BMPR1B: variants seen among roughly 807,000 people sequenced by gnomAD.
BMPR1B encodes the protein bone morphogenetic protein receptor type-1B.
BMPR1B carries 12 observed loss-of-function variants against 59.1 expected under a neutral mutation model. That is an observed-to-expected ratio of 0.20 (90% CI 0.13 to 0.33). The LOEUF is 0.33. Among genes scored for constraint, BMPR1B ranks in the 10% least tolerant of loss-of-function variants. BMPR1B has a pLI of 1.00. For missense variants in BMPR1B, 550 were observed against 610.9 expected, an observed-to-expected ratio of 0.90 and a Z score of 1.05; for synonymous variants, 237 against 207.3, an observed-to-expected ratio of 1.14 and a Z score of -1.23.
chr4:94,770,180 G>GGTTTTTTTTTTTTTTTTTTTTTTTTTTTT (rs771544268), intron 1 of BMPR1B, among the ~76,000 whole-genome samples: 4 of 106,276 alleles, frequency 3.8e-5, no homozygotes, highest in African/African-American at 1.2e-4. Context: ...CTTCGTTTCT[G>GGTTTTTTTTTTTTTTTTTTTTTTTTTTTT]TGTTTGTTTT....
intron 4 of BMPR1B, among the ~76,000 whole-genome samples, chr4:95,109,135 T>C (rs1453894842): frequency 6.6e-6 from 1 of 152,158 alleles, no homozygotes; most frequent in Non-Finnish European, 1.5e-5. Context: ...TCCTCACGCA[T>C]GTTATGCATT....
chr4:94,954,978 C>A (rs966927236), intron 2 of BMPR1B, among the ~76,000 whole-genome samples: 35 of 152,126 alleles, frequency 2.3e-4, no homozygotes, highest in Admixed American at 7.2e-4. Flanking sequence ...TCTTTCCTAA[C>A]CCCCTTATAC....
intron 3 of BMPR1B, among the ~76,000 whole-genome samples, chr4:95,104,025 G>C (rs1460399138): frequency 6.6e-6 from 1 of 152,028 alleles, no homozygotes; most frequent in Admixed American, 6.6e-5. Flanking sequence ...TTATCTGTGT[G>C]CAGATCTCTT....
At chr4:95,020,098 A>C (rs997559547) in intron 3 of BMPR1B, among the ~76,000 whole-genome samples, 1 of 152,206 alleles carries the variant, frequency 6.6e-6, no homozygotes, top group Non-Finnish European at 1.5e-5. Flanking sequence ...TTTGCAATTA[A>C]AATGAAAACC....
At chr4:94,776,746 A>G (rs1722384237) in intron 1 of BMPR1B, among the ~76,000 whole-genome samples, 3 of 152,302 alleles carry the variant, frequency 2.0e-5, no homozygotes, top group Non-Finnish European at 2.9e-5. Flanking sequence ...CTACATTGCT[A>G]TGTCTTGGTT....
intron 1 of BMPR1B, among the ~76,000 whole-genome samples, chr4:94,775,846 C>T (rs984247565): frequency 7.2e-5 from 11 of 152,174 alleles, no homozygotes; most frequent in Admixed American, 1.3e-4. Flanking sequence ...AATCCCAGCA[C>T]GCTGGGAGGC....
At chr4:94,775,139 G>A (rs1722321966) in intron 1 of BMPR1B, among the ~76,000 whole-genome samples, 1 of 152,106 alleles carries the variant, frequency 6.6e-6, no homozygotes, top group Non-Finnish European at 1.5e-5. Flanking sequence ...GTAGAATGAA[G>A]ATAATAAGAA....
chr4:95,031,926 C>G (rs1345744280), intron 3 of BMPR1B, among the ~76,000 whole-genome samples: 1 of 151,890 alleles, frequency 6.6e-6, no homozygotes, highest in Non-Finnish European at 1.5e-5. Flanking sequence ...ACTAATGTCT[C>G]AAAGAAAAAT....
At chr4:95,100,088 A>G (rs1579077679) in intron 3 of BMPR1B, among the ~76,000 whole-genome samples, 2 of 152,218 alleles carry the variant, frequency 1.3e-5, no homozygotes, top group African/African-American at 2.4e-5. Context: ...CTGAAGTCCT[A>G]TGCAATGTCT....
chr4:94,759,974 A>C (rs193063132), intron 1 of BMPR1B, among the ~76,000 whole-genome samples: 562 of 152,286 alleles, frequency 3.7e-3, no homozygotes, highest in African/African-American at 0.013. Context: ...GAGCTACAAA[A>C]CTTGATACAG....
chr4:94,840,517 C>T (rs1469403184), intron 1 of BMPR1B, among the ~76,000 whole-genome samples: 1 of 146,514 alleles, frequency 6.8e-6, no homozygotes, highest in East Asian at 1.9e-4. Context: ...TTCATTTCAC[C>T]TTCCATTGCT....
intron 3 of BMPR1B, among the ~76,000 whole-genome samples, chr4:95,074,341 A>C (rs560528095): frequency 6.6e-6 from 1 of 152,212 alleles, no homozygotes; most frequent in Admixed American, 6.5e-5. Context: ...AATACTTAGA[A>C]TAGTGCCTGG....
intron 1 of BMPR1B, among the ~76,000 whole-genome samples, chr4:94,765,769 A>G (rs929529612): frequency 4.6e-5 from 7 of 152,180 alleles, no homozygotes; most frequent in African/African-American, 1.7e-4. Context: ...AGTATGTTTT[A>G]CCTGATTGCA....
At chr4:94,983,922 A>G (rs1489677823) in intron 2 of BMPR1B, among the ~76,000 whole-genome samples, 2 of 152,264 alleles carry the variant, frequency 1.3e-5, no homozygotes, top group Non-Finnish European at 2.9e-5. Flanking sequence ...CATAACAGGT[A>G]CTAAGCAAGT....
At chr4:94,946,746 A>G (rs918365995) in intron 2 of BMPR1B, among the ~76,000 whole-genome samples, 3 of 152,218 alleles carry the variant, frequency 2.0e-5, no homozygotes, top group East Asian at 3.9e-4. Flanking sequence ...AGTTTATGCC[A>G]TGATATTCAA....
intron 3 of BMPR1B, among the ~76,000 whole-genome samples, chr4:95,035,012 TGCATTTCCC>T (rs1218867858): frequency 6.6e-6 from 1 of 152,220 alleles, no homozygotes; most frequent in Non-Finnish European, 1.5e-5. Flanking sequence ...GGTTTTAATT[TGCATTTCCC>T]TGGTAATTAG....
chr4:95,153,338 G>A (rs866056063), intron 12 of BMPR1B, among the ~76,000 whole-genome samples: 5 of 152,162 alleles, frequency 3.3e-5, no homozygotes, highest in Non-Finnish European at 7.4e-5. Flanking sequence ...AGGAAGAAAT[G>A]AGTCTTGCCT....
intron 3 of BMPR1B, among the ~76,000 whole-genome samples, chr4:95,099,526 C>G (rs1208528377): frequency 3.9e-5 from 6 of 152,128 alleles, no homozygotes; most frequent in African/African-American, 1.4e-4. Flanking sequence ...CTAAAAGATG[C>G]AGGATTTTCA....
intron 9 of BMPR1B, among the ~76,000 whole-genome samples, chr4:95,130,723 C>CTTTTTTT (rs148720302): frequency 9.4e-4 from 73 of 77,884 alleles, no homozygotes; most frequent in Non-Finnish European, 1.1e-3. Context: ...CTTTTCTTTT[C>CTTTTTTT]TTTTTTTTTT....
Sources: allele counts gnomAD v4.1 joint callset (sites outside exome capture counted in the v4.1 genomes callset), GRCh38; gene constraint gnomAD v4.1.1; transcripts MANE v1.5; gene names NCBI Gene and HGNC (gene_info 2026-07-23, HGNC 2026-07-21).